TMEFF2: variants seen among roughly 807,000 people sequenced by gnomAD.
TMEFF2 encodes the protein transmembrane protein with EGF like and two follistatin like domains 2, also known as tomoregulin-2.
In TMEFF2, 28 loss-of-function variants were observed where a neutral mutation model predicts 53.8. The ratio of observed to expected loss-of-function variants is 0.52; its 90% CI spans 0.39 to 0.71. TMEFF2 has a LOEUF of 0.71. TMEFF2 is among the 30% of genes least tolerant of loss of function. The pLI, the probability that TMEFF2 is intolerant of heterozygous loss-of-function variation, is 0.00. For missense variants in TMEFF2, 353 were observed against 455.2 expected (o/e 0.78, Z 2.04); for synonymous variants, 162 against 166.3 (o/e 0.97, Z 0.20).
At chr2:192,001,753 C>T (rs1686366901) in intron 5 of TMEFF2, among the ~76,000 whole-genome samples, 1 of 78,786 alleles carries the variant, frequency 1.3e-5, no homozygotes, top group Non-Finnish European at 3.3e-5. Context: ...TCTGCTGCCA[C>T]ACCTTTCACC....
chr2:192,142,700 G>A (rs894183395), intron 4 of TMEFF2, among the ~76,000 whole-genome samples: 1 of 152,100 alleles, frequency 6.6e-6, no homozygotes, highest in Non-Finnish European at 1.5e-5. Flanking sequence ...GTTGGTACCT[G>A]GGATCTATGA....
chr2:192,032,707 G>A (rs1349054052), intron 5 of TMEFF2: 1 of 152,172 alleles, frequency 6.6e-6, no homozygotes, highest in South Asian at 2.1e-4. Context: ...GAATGCCTAT[G>A]TTCAGATCTT....
At chr2:192,171,452 C>G (rs1214324262) in intron 4 of TMEFF2, among the ~76,000 whole-genome samples, 1 of 151,930 alleles carries the variant, frequency 6.6e-6, no homozygotes, top group Non-Finnish European at 1.5e-5. Context: ...CTAAAATCAC[C>G]AGTCAGATTA....
At position 191,999,069 on chromosome 2, in the gene TMEFF2, G is replaced by T; in HGVS notation, c.676C>A (p.Arg226=). ...QEKIEVMSLG[R]CQDNTTTTTK... is the part of the protein sequence containing the mutation. ...TTGGTATGAACATTACCTTGACATC[G>T]ACCCAAAGACATGACTTCAATTTTC... The change falls in exon 6 of 10, where the codon CGA becomes AGA. Residue 226 remains arginine, a synonymous_variant. Coordinates refer to ENST00000272771, the MANE Select transcript of TMEFF2 (RefSeq NM_016192.4). The T allele has an allele frequency of 6.2e-7, 1 of 1,607,864 alleles. No individual in the cohort carries two copies. Among genetic ancestry groups the T allele is most frequent in the Non-Finnish European group, 8.5e-7 (1 of 1,176,206 alleles).
At chr2:192,169,303 G>T (rs1036691071) in intron 4 of TMEFF2, among the ~76,000 whole-genome samples, 2 of 152,140 alleles carry the variant, frequency 1.3e-5, no homozygotes, top group African/African-American at 4.8e-5. Context: ...CAAAAACATG[G>T]GAAGGGTTTT....
chr2:192,048,611 A>G (rs1264840177), intron 5 of TMEFF2, among the ~76,000 whole-genome samples: 1 of 152,218 alleles, frequency 6.6e-6, no homozygotes, highest in Non-Finnish European at 1.5e-5. Flanking sequence ...CTAAATTAAA[A>G]GATACAGCAG....
chr2:192,141,536 T>C (rs913012692), intron 4 of TMEFF2, among the ~76,000 whole-genome samples: 3 of 152,030 alleles, frequency 2.0e-5, no homozygotes, highest in African/African-American at 4.8e-5. Flanking sequence ...ACTTTTATTA[T>C]TATTTAGTAA....
intron 4 of TMEFF2, among the ~76,000 whole-genome samples, chr2:192,119,516 C>G (rs937489744): frequency 6.6e-6 from 1 of 152,132 alleles, no homozygotes; most frequent in Non-Finnish European, 1.5e-5. Context: ...TCAATATATG[C>G]CTTTTAGCAT....
intron 7 of TMEFF2, among the ~76,000 whole-genome samples, chr2:191,983,484 C>T (rs1205170259): frequency 6.6e-6 from 1 of 151,130 alleles, no homozygotes; most frequent in Non-Finnish European, 1.5e-5. Flanking sequence ...GGCAGGAGAA[C>T]TTTAGTCACC....
At chr2:192,138,422 A>G (rs1690061662) in intron 4 of TMEFF2, among the ~76,000 whole-genome samples, 1 of 152,228 alleles carries the variant, frequency 6.6e-6, no homozygotes, top group Non-Finnish European at 1.5e-5. Flanking sequence ...AGTGAGAAGG[A>G]GAATTATCTC....
intron 7 of TMEFF2, among the ~76,000 whole-genome samples, chr2:191,962,614 A>G (rs998013803): frequency 6.6e-6 from 1 of 152,252 alleles, no homozygotes; most frequent in South Asian, 2.1e-4. Flanking sequence ...ATAGATAAAT[A>G]CTGAAAAATC....
At chr2:192,131,938 C>T (rs949886855) in intron 4 of TMEFF2, among the ~76,000 whole-genome samples, 78 of 151,762 alleles carry the variant, frequency 5.1e-4, no homozygotes, top group Admixed American at 1.4e-3. Context: ...AGGTGCCTGA[C>T]GTCCAGGCAT....
intron 5 of TMEFF2, chr2:192,032,750 T>C (rs1253935629): frequency 6.6e-6 from 1 of 152,218 alleles, no homozygotes; most frequent in Admixed American, 6.5e-5. Context: ...TAGGACATAG[T>C]GTAAGGAATG....
At chr2:191,950,463 C>T in intron 9 of TMEFF2, 56 bp from the exon 10 acceptor site, 1 of 1,612,618 alleles carries the variant, frequency 6.2e-7, no homozygotes, top group Non-Finnish European at 8.5e-7. Context: ...TAAAGTTTGG[C>T]CCTACAATCA....
chr2:191,980,423 GAAC>G (rs578253953), intron 7 of TMEFF2, among the ~76,000 whole-genome samples: 19 of 152,138 alleles, frequency 1.2e-4, no homozygotes, highest in African/African-American at 3.9e-4. Context: ...GTTGCAACAG[GAAC>G]AACATTTTAA....
intron 7 of TMEFF2, among the ~76,000 whole-genome samples, chr2:191,970,604 T>G (rs1057234428): frequency 1.3e-5 from 2 of 152,166 alleles, no homozygotes; most frequent in Admixed American, 6.5e-5. Context: ...AATGCCTGAA[T>G]TTCAGTCTTT....
chr2:192,126,647 A>G (rs1464690284), intron 4 of TMEFF2, among the ~76,000 whole-genome samples: 1 of 152,238 alleles, frequency 6.6e-6, no homozygotes, highest in Non-Finnish European at 1.5e-5. Context: ...ACTAGAAAGA[A>G]GGAGAAATGA....
intron 4 of TMEFF2, among the ~76,000 whole-genome samples, chr2:192,073,522 A>ACCAG (rs1419716992): frequency 6.6e-6 from 1 of 151,914 alleles, no homozygotes; most frequent in African/African-American, 2.4e-5. Context: ...ATAAATAAAA[A>ACCAG]CCAGCCTCAG....
chr2:191,964,340 CTTT>C (rs1692374478), intron 7 of TMEFF2, among the ~76,000 whole-genome samples: 1 of 46,424 alleles, frequency 2.2e-5, no homozygotes, highest in Non-Finnish European at 4.5e-5. Flanking sequence ...TTCCTTCTTT[CTTT>C]CTTTCTTTCT....
Sources: allele counts gnomAD v4.1 joint callset (sites outside exome capture counted in the v4.1 genomes callset), GRCh38; gene constraint gnomAD v4.1.1; transcripts MANE v1.5; gene names NCBI Gene and HGNC (gene_info 2026-07-23, HGNC 2026-07-21).